The following ANKRD12 variants were observed in gnomAD, a reference collection of about 807,000 sequenced individuals.
ANKRD12 encodes ankyrin repeat domain-containing protein 12.
Under a neutral mutation model 183.4 loss-of-function variants are expected in ANKRD12, and 85 were observed. That is an observed-to-expected ratio of 0.46 (90% CI 0.39 to 0.56). ANKRD12 has a LOEUF of 0.56. Ranked by LOEUF, ANKRD12 falls within the 20% of genes least tolerant of loss-of-function variation. The pLI is 0.00. For missense variants in ANKRD12, 2,405 were observed against 2,357.1 expected, an observed-to-expected ratio of 1.02 and a Z score of -0.42; for synonymous variants, 914 against 800.2, an observed-to-expected ratio of 1.14 and a Z score of -2.40.
chr18:9,187,003 C>T (rs376317577), intron 2 of ANKRD12, among the ~76,000 whole-genome samples: 1 of 152,014 alleles, frequency 6.6e-6, no homozygotes, highest in African/African-American at 2.4e-5. Flanking sequence ...CCTCGTGATC[C>T]GCCCACCTCA....
chr18:9,179,198 A>T (rs2144130444), intron 1 of ANKRD12, among the ~76,000 whole-genome samples: 1 of 152,216 alleles, frequency 6.6e-6, no homozygotes, highest in South Asian at 2.1e-4. Flanking sequence ...GTCTACATAG[A>T]TTATCATGGT....
chr18:9,212,673 A>T (rs2035873484), intron 6 of ANKRD12, among the ~76,000 whole-genome samples: 2 of 151,114 alleles, frequency 1.3e-5, no homozygotes, highest in Non-Finnish European at 3.0e-5. Context: ...GATTTTTGAA[A>T]TAATGGAAAT....
At chr18:9,182,337 A>G (rs539263592) in intron 1 of ANKRD12, 45 bp from the exon 2 acceptor site, 6 of 186,612 alleles carry the variant, frequency 3.2e-5, no homozygotes, top group East Asian at 1.7e-4. Context: ...TGCGTAACCT[A>G]TTGTATATAT....
At chr18:9,236,607 G>C (rs1450826877) in intron 8 of ANKRD12, among the ~76,000 whole-genome samples, 1 of 151,996 alleles carries the variant, frequency 6.6e-6, no homozygotes, top group Non-Finnish European at 1.5e-5. Flanking sequence ...AATCATGAAA[G>C]AAAAGGTAAA....
chr18:9,218,665 C>CTT (rs58382120), intron 7 of ANKRD12, among the ~76,000 whole-genome samples: 2 of 142,908 alleles, frequency 1.4e-5, no homozygotes, highest in Admixed American at 6.9e-5. Flanking sequence ...CTTCTTTTTT[C>CTT]TTTTTTTTTT....
At chr18:9,270,785 A>C (rs2039560912) in intron 10 of ANKRD12, among the ~76,000 whole-genome samples, 1 of 152,196 alleles carries the variant, frequency 6.6e-6, no homozygotes, top group East Asian at 1.9e-4. Flanking sequence ...ATAAATTCTT[A>C]CTTGAATTGT....
intron 8 of ANKRD12, among the ~76,000 whole-genome samples, chr18:9,244,854 TTA>T (rs2037866922): frequency 1.3e-5 from 2 of 152,208 alleles, no homozygotes; most frequent in Non-Finnish European, 2.9e-5. Context: ...TATTTCCAAG[TTA>T]ATTAAGTCAG....
At chr18:9,203,681 C>T (rs764087055) in intron 3 of ANKRD12, among the ~76,000 whole-genome samples, 16 of 152,074 alleles carry the variant, frequency 1.1e-4, no homozygotes, top group South Asian at 2.1e-4. Flanking sequence ...CTCAGCTTAC[C>T]GCAACCCCGG....
chr18:9,186,367 A>C lies in ANKRD12; in HGVS notation c.87+3848A>C, dbSNP rs7236118. ...TGAATACAAACTATTACATTCCTCTAGTTAACAAATTTTTGGCTTACATAA... is the reference window on the plus strand; with the variant it reads ...TGAATACAAACTATTACATTCCTCTCGTTAACAAATTTTTGGCTTACATAA... On this transcript the variant is annotated intron_variant, in intron 2 of 12. Transcript: ENST00000262126. Among the ~76,000 whole-genome samples the C allele has an allele frequency of 6.1e-3, 923 of 152,304 alleles. 9 individuals carry two copies. Among genetic ancestry groups the C allele is most frequent in the African/African-American group, 0.021 (865 of 41,564 alleles).
At position 9,182,368 on chromosome 18, in the gene ANKRD12, T is replaced by G. The variant is rs2033761902; in HGVS notation, c.-51-14T>G. The G allele has an allele frequency of 5.7e-6, 6 of 1,056,486 alleles. No individual in the cohort carries two copies. The highest frequency in any genetic ancestry group is 2.3e-5 in the Admixed American group (1 of 44,236). The allele number at this position is 1,056,486 out of a possible 1,614,324, so 65.4% of individuals were successfully genotyped here. On this transcript the variant is annotated splice_polypyrimidine_tract_variant and intron_variant, in intron 1 of 12. Transcript: ENST00000262126. Reference sequence around the variant, plus strand: ...TATATATTCAAATAACCCTTATATATCTATTCTTTACAGATCCAGGATGAG... The same window carrying G: ...TATATATTCAAATAACCCTTATATAGCTATTCTTTACAGATCCAGGATGAG...
chr18:9,228,648 T>A (rs1380517648), intron 8 of ANKRD12, among the ~76,000 whole-genome samples: 3 of 152,204 alleles, frequency 2.0e-5, no homozygotes, highest in Non-Finnish European at 2.9e-5. Context: ...GCCCATTTTT[T>A]AATGGGATTA....
chr18:9,175,959 C>T (rs1003178681), intron 1 of ANKRD12, among the ~76,000 whole-genome samples: 1 of 152,184 alleles, frequency 6.6e-6, no homozygotes, highest in Non-Finnish European at 1.5e-5. Context: ...CTCTTTGTTT[C>T]CTGAACAGTC....
At chr18:9,160,806 AT>A (rs1372328738) in intron 1 of ANKRD12, among the ~76,000 whole-genome samples, 1 of 152,264 alleles carries the variant, frequency 6.6e-6, no homozygotes, top group Non-Finnish European at 1.5e-5. Context: ...GGAGCACCTA[AT>A]CAAAGCTAAA....
chr18:9,190,872 T>A (rs1350747262), intron 2 of ANKRD12, among the ~76,000 whole-genome samples: 31 of 152,178 alleles, frequency 2.0e-4, no homozygotes, highest in Admixed American at 2.0e-3. Context: ...ACCAAAAAAT[T>A]TGTGTGACTT....
At chr18:9,174,754 A>G (rs926212643) in intron 1 of ANKRD12, among the ~76,000 whole-genome samples, 3 of 152,132 alleles carry the variant, frequency 2.0e-5, no homozygotes, top group African/African-American at 7.2e-5. Flanking sequence ...TGCTGTTGTC[A>G]TTCTTCTCTA....
chr18:9,279,045 GTCTGTT>G (rs553299988), intron 11 of ANKRD12, among the ~76,000 whole-genome samples: 85 of 152,162 alleles, frequency 5.6e-4, no homozygotes, highest in African/African-American at 1.9e-3. Flanking sequence ...TTTGAATATA[GTCTGTT>G]AATTCCAAAA....
Position 9,257,264 on chromosome 18 carries a change from G to C in ANKRD12, c.3997G>C (p.Gly1333Arg). The C allele has an allele frequency of 6.2e-7, 1 of 1,614,112 alleles. No individual in the cohort carries two copies. ...FQTISEESNQ[G>R]SLLTVPGDTS... is the part of the protein sequence containing the mutation. ...AACAATATCAGAAGAGAGCAATCAA[G>C]GTAGCTTATTAACTGTGCCAGGAGA... Residue 1333 changes from glycine to arginine, a missense_variant, in exon 9 of 13, where the codon GGT (glycine) becomes CGT (arginine). Gly to Arg is a moderately radical substitution (Grantham distance 125, BLOSUM62 -2). This residue lies in a region of ANKRD12 where 1,983 missense variants were observed against 1,725.9 expected (regional missense o/e 1.15). Coordinates refer to ENST00000262126, the MANE Select transcript of ANKRD12 (RefSeq NM_015208.5).
Position 9,195,711 on chromosome 18 carries a change from G to T in ANKRD12, c.235+13G>T, listed in dbSNP as rs1269580785. 1.1e-5 allele frequency: 17 copies of T among 1,600,936 alleles called. No individual in the cohort carries two copies. Among genetic ancestry groups the T allele is most frequent in the Non-Finnish European group, 1.4e-5 (16 of 1,173,956 alleles). ...GATTCAGACACAGGTAGAATAATTTGCTGTTCTCTGGTAAAATCTTGCCCA... is the reference window on the plus strand; with the variant it reads ...GATTCAGACACAGGTAGAATAATTTTCTGTTCTCTGGTAAAATCTTGCCCA... On this transcript the variant is annotated intron_variant, in intron 3 of 12. Coordinates refer to ENST00000262126, the MANE Select transcript of ANKRD12 (RefSeq NM_015208.5).
chr18:9,258,922 T>C lies in ANKRD12; in HGVS notation c.5655T>C (p.Cys1885=), dbSNP rs1168510760. 2.5e-6 allele frequency: 4 copies of C among 1,602,852 alleles called. No homozygotes were observed. The South Asian group carries it at 3.3e-5, about 13-fold the overall frequency. The change falls in exon 9 of 13, where the codon TGT becomes TGC. Residue 1885 remains cysteine, a synonymous_variant. Coordinates refer to ENST00000262126, the MANE Select transcript of ANKRD12 (RefSeq NM_015208.5). ...ATGGAAACCCCTTAAGCAAGATTTG[T>C]ATTCCCACAGTAAGTAACATCATCA... The part of the protein sequence containing the change: ...LLDGNPLSKI[C]IPTITPPPSL...
Sources: gnomAD v4.1 joint callset for allele counts (sites outside exome capture counted in the v4.1 genomes callset) on GRCh38, gnomAD v4.1.1 for gene constraint, gnomAD v4.1.1 regional missense constraint, MANE v1.5 for transcripts, NCBI Gene and HGNC (gene_info 2026-07-23, HGNC 2026-07-21) for gene names.